The following SPSB1 variants were observed in gnomAD, a reference collection of about 807,000 sequenced individuals.
SPSB1 encodes splA/ryanodine receptor domain and SOCS box containing 1, also known as SPRY domain-containing SOCS box protein 1.
SPSB1 carries 8 observed loss-of-function variants against 21.2 expected under a neutral mutation model. That is an observed-to-expected ratio of 0.38 (90% CI 0.22 to 0.68). The LOEUF is 0.68. Among genes scored for constraint, SPSB1 ranks in the 30% least tolerant of loss-of-function variants. SPSB1 has a pLI of 0.53. For synonymous variants in SPSB1, 169 were observed against 161.7 expected (o/e 1.05, Z -0.34); for missense variants, 242 against 377.8 (o/e 0.64, Z 2.98).
Position 9,359,628 on chromosome 1 carries a change from G to A in SPSB1, c.694+3043G>A, listed in dbSNP as rs889044639. ...GAGGCAGGAGAATTGCTTGAACCCGGGAGGTGGAGGTTGCAGTGAGCTGAG... is the reference window on the plus strand; with the variant it reads ...GAGGCAGGAGAATTGCTTGAACCCGAGAGGTGGAGGTTGCAGTGAGCTGAG... On this transcript the variant is annotated intron_variant, in intron 2 of 2. Transcript: ENST00000328089. Among the ~76,000 whole-genome samples, 3 of 151,806 alleles carry A rather than the reference G, an allele frequency of 2.0e-5. No individual in the cohort carries two copies. In the East Asian group the frequency reaches 5.8e-4, roughly 29 times the overall value.
At chr1:9,298,145 T>G (rs1440461555) in intron 1 of SPSB1, among the ~76,000 whole-genome samples, 1 of 151,882 alleles carries the variant, frequency 6.6e-6, no homozygotes, top group Non-Finnish European at 1.5e-5. Context: ...ATTGGATAGT[T>G]AATCATGGTG....
chr1:9,294,973 C>T (rs896321007), intron 1 of SPSB1, among the ~76,000 whole-genome samples: 6 of 152,148 alleles, frequency 3.9e-5, no homozygotes, highest in Admixed American at 1.3e-4. Context: ...CCAGAGAGGG[C>T]GGTTCACTTA....
intron 2 of SPSB1, among the ~76,000 whole-genome samples, chr1:9,361,943 A>G (rs1239194645): frequency 1.3e-5 from 2 of 152,216 alleles, no homozygotes; most frequent in East Asian, 3.9e-4. Context: ...CCACTGCTTT[A>G]AAGACATCTC....
intron 1 of SPSB1, among the ~76,000 whole-genome samples, chr1:9,307,490 G>A (rs558523088): frequency 7.2e-5 from 11 of 152,296 alleles, no homozygotes; most frequent in Admixed American, 4.6e-4. Context: ...GGAACCATAC[G>A]TTGCATGGCC....
rs1377691770 is a variant in SPSB1, at chr1:9,324,383, A to G, written c.-150+31312A>G. On this transcript the variant is annotated intron_variant, in intron 1 of 2. Transcript: ENST00000328089. This position sits in a 1 kb window ranked among gnomAD's most constrained non-coding sequence, Gnocchi z 4.3. The stretch of plus-strand genomic sequence containing the variant: ...TTCTGCTGCGATCCTGTGGCTCAGC[A>G]CGTGGTAGGTCCTCAGTGAGGCTGT... Among the ~76,000 whole-genome samples the G allele has an allele frequency of 2.0e-5, 3 of 152,112 alleles. No homozygotes were observed. The highest frequency in any genetic ancestry group is 4.4e-5 in the Non-Finnish European group (3 of 68,024).
Position 9,367,580 on chromosome 1 carries a change from C to T in SPSB1, c.*5C>T, listed in dbSNP as rs200653520. On this transcript the variant is annotated 3_prime_UTR_variant, in exon 3 of 3. Coordinates refer to ENST00000328089, the MANE Select transcript of SPSB1 (RefSeq NM_025106.4). This position sits in a 1 kb window ranked among gnomAD's most constrained non-coding sequence, Gnocchi z 5.9. Reference sequence around the variant, plus strand: ...GCCTACCTCCTCTACCAGTGACGTTCGCCATCATACCGCCAGCGCGACAGC... The same window carrying T: ...GCCTACCTCCTCTACCAGTGACGTTTGCCATCATACCGCCAGCGCGACAGC... The T allele has an allele frequency of 4.6e-5, 73 of 1,600,924 alleles. No individual in the cohort carries two copies. The Admixed American group carries it at 1.0e-3, about 22-fold the overall frequency.
chr1:9,349,953 C>CA (rs897801591), intron 1 of SPSB1, among the ~76,000 whole-genome samples: 3 of 152,094 alleles, frequency 2.0e-5, no homozygotes, highest in African/African-American at 7.2e-5. Flanking sequence ...CACACAGACA[C>CA]ACGCCACACA....
intron 2 of SPSB1, among the ~76,000 whole-genome samples, chr1:9,362,685 G>A (rs1401552470): frequency 6.6e-6 from 1 of 152,204 alleles, no homozygotes; most frequent in East Asian, 1.9e-4. Flanking sequence ...GAAATCTCTC[G>A]GGGAACAGTG....
In SPSB1 at chr1:9,355,751, G is replaced by A. The variant is rs111726806; in HGVS notation, c.-141G>A. Reference sequence around the variant, plus strand: ...GTCTTTCCGTCCATTAGGCAATACTGAACACTGCGCAGCTTGCAGAGGTCT... The same window carrying A: ...GTCTTTCCGTCCATTAGGCAATACTAAACACTGCGCAGCTTGCAGAGGTCT... On this transcript the variant is annotated 5_prime_UTR_variant, in exon 2 of 3. Transcript: ENST00000328089. The A allele has an allele frequency of 0.016, 22,773 of 1,454,568 alleles. 226 individuals are homozygous for A. The highest frequency in any genetic ancestry group is 0.031 in the Middle Eastern group (118 of 3,852). 90.1% of individuals were successfully genotyped at this position (1,454,568 alleles called of 1,614,324 possible). A position where few individuals can be genotyped will look rare whatever the true frequency, so the allele number is the denominator to read the frequency against.
chr1:9,356,601 G>A lies in SPSB1; in HGVS notation c.694+16G>A. Reference sequence around the variant, plus strand: ...GGACTCGATCGTAAGTGTCTCCTCTGCTGTCAGAGGCAATGCCCTCCCTCA... The same window carrying A: ...GGACTCGATCGTAAGTGTCTCCTCTACTGTCAGAGGCAATGCCCTCCCTCA... On this transcript the variant is annotated intron_variant, in intron 2 of 2. Transcript: ENST00000328089. The surrounding 1 kb of genome is among the most constrained non-coding windows in gnomAD (Gnocchi z 7.4). 6.4e-7 allele frequency: 1 copy of A among 1,566,082 alleles called. No individual in the cohort carries two copies. The highest frequency in any genetic ancestry group is 8.7e-7 in the Non-Finnish European group (1 of 1,152,512).
chr1:9,297,741 G>T (rs1287729186), intron 1 of SPSB1, among the ~76,000 whole-genome samples: 1 of 152,130 alleles, frequency 6.6e-6, no homozygotes, highest in African/African-American at 2.4e-5. Flanking sequence ...GGTCTCCTTT[G>T]GTTTAATGTA....
chr1:9,320,546 C>T (rs1384188153), intron 1 of SPSB1, among the ~76,000 whole-genome samples: 2 of 152,196 alleles, frequency 1.3e-5, no homozygotes, highest in African/African-American at 4.8e-5. Context: ...GGCCTCGCTC[C>T]GTGCATCTAA....
chr1:9,343,849 G>A (rs1015873679), intron 1 of SPSB1, among the ~76,000 whole-genome samples: 1 of 152,064 alleles, frequency 6.6e-6, no homozygotes, highest in East Asian at 1.9e-4. Context: ...GCAGTGGCGC[G>A]ATCTCGGCTC....
At chr1:9,355,688 T>G in intron 1 of SPSB1, 55 bp from the exon 2 acceptor site, 1 of 1,292,518 alleles carries the variant, frequency 7.7e-7, no homozygotes, top group Non-Finnish European at 9.8e-7. Context: ...CCGGGTTAAC[T>G]TTCCCCTTCA....
chr1:9,302,305 A>G (rs1292574468), intron 1 of SPSB1, among the ~76,000 whole-genome samples: 1 of 152,202 alleles, frequency 6.6e-6, no homozygotes, highest in Non-Finnish European at 1.5e-5. Flanking sequence ...ATTATTCTCT[A>G]TGCTTCAGTA....
At chr1:9,341,465 G>C (rs1640089903) in intron 1 of SPSB1, among the ~76,000 whole-genome samples, 1 of 152,222 alleles carries the variant, frequency 6.6e-6, no homozygotes, top group South Asian at 2.1e-4. Flanking sequence ...GTATCCAGTA[G>C]GTGCTTAATA....
intron 1 of SPSB1, among the ~76,000 whole-genome samples, chr1:9,338,634 A>G (rs949154912): frequency 6.6e-6 from 1 of 152,256 alleles, no homozygotes; most frequent in African/African-American, 2.4e-5. Flanking sequence ...CAGCTGGAAA[A>G]GGGTCTGGGA....
chr1:9,361,161 T>TCC (rs1557467300), intron 2 of SPSB1, among the ~76,000 whole-genome samples: 16 of 119,810 alleles, frequency 1.3e-4, no homozygotes, highest in Non-Finnish European at 2.4e-4. Flanking sequence ...ATTTTCTTTT[T>TCC]TTTTTTTTTT....
rs1014739167 is a variant in SPSB1 at position 9,318,874 on chromosome 1, C to T, written c.-150+25803C>T. ...GGTGACAAAAGAGGAGTCCAGCCTG[C>T]GGTGTCCTGCAGTGAGTCCTAAAGA... On this transcript the variant is annotated intron_variant, in intron 1 of 2. Transcript: ENST00000328089. Among the ~76,000 whole-genome samples, 4 of 152,110 alleles carry T rather than the reference C, an allele frequency of 2.6e-5. No individual in the cohort carries two copies. The East Asian group carries it at 5.8e-4, about 22-fold the overall frequency.
Sources: gnomAD v4.1 joint callset for allele counts (sites outside exome capture counted in the v4.1 genomes callset) on GRCh38, gnomAD v4.1.1 for gene constraint, Gnocchi (gnomAD v3.1) non-coding constraint, MANE v1.5 for transcripts, NCBI Gene and HGNC (gene_info 2026-07-23, HGNC 2026-07-21) for gene names.